PARD3B: variants seen among roughly 807,000 people sequenced by gnomAD.
The protein encoded by PARD3B is par-3 family cell polarity regulator beta.
A neutral mutation model predicts 130.2 loss-of-function variants in PARD3B; 103 were observed. That is an observed-to-expected ratio of 0.79 (90% CI 0.67 to 0.93). PARD3B has a LOEUF of 0.93. Among genes scored for constraint, PARD3B ranks in the 40% least tolerant of loss-of-function variants. The pLI is 0.00. For synonymous variants in PARD3B, 583 were observed against 553.2 expected (o/e 1.05, Z -0.76); for missense variants, 1,609 against 1,499.2 (o/e 1.07, Z -1.21).
chr2:204,557,536 C>T (rs2031010072), intron 1 of PARD3B, among the ~76,000 whole-genome samples: 1 of 152,080 alleles, frequency 6.6e-6, no homozygotes, highest in East Asian at 1.9e-4. Flanking sequence ...GTTTTTAGCA[C>T]AGTATTTGAT....
Position 205,473,682 on chromosome 2 carries a change from A to G in PARD3B, c.3045-26214A>G, listed in dbSNP as rs6740887. The stretch of plus-strand genomic sequence containing the variant: ...TGTGTGTGTGTGTGTGTGTGTGTGT[A>G]TGTATATATATATATATATATATAT... On this transcript the variant is annotated intron_variant, in intron 20 of 22. Coordinates refer to ENST00000406610, the MANE Select transcript of PARD3B (RefSeq NM_001302769.2). The surrounding 1 kb of genome is among the most constrained non-coding windows in gnomAD (Gnocchi z 4.9). Among the ~76,000 whole-genome samples, 18,081 of 87,874 alleles carry G rather than the reference A, an allele frequency of 0.21. 2,106 individuals are homozygous for G. Among genetic ancestry groups the G allele is most frequent in the African/African-American group, 0.46 (11,758 of 25,834 alleles). The allele number at this position is 87,874 out of a possible 152,430, so 57.6% of individuals were successfully genotyped here.
At position 205,568,951 on chromosome 2, in the gene PARD3B, C is replaced by T. The variant is rs2053462668; in HGVS notation, c.3260+15548C>T. Among the ~76,000 whole-genome samples the T allele has an allele frequency of 6.6e-6, 1 of 152,080 alleles. No homozygotes were observed. The highest frequency in any genetic ancestry group is 1.5e-5 in the Non-Finnish European group (1 of 68,014). On this transcript the variant is annotated intron_variant, in intron 22 of 22. Coordinates refer to ENST00000406610, the MANE Select transcript of PARD3B (RefSeq NM_001302769.2). This position sits in a 1 kb window ranked among gnomAD's most constrained non-coding sequence, Gnocchi z 5.3. ...AATTCCTAGCATGTAATTACCAGGT[C>T]AAAGAATGTGAATATTTTTAAAGTT... is the stretch of plus-strand genomic sequence containing the variant.
intron 1 of PARD3B, among the ~76,000 whole-genome samples, chr2:204,581,271 C>T (rs1007091512): frequency 2.0e-5 from 3 of 152,184 alleles, no homozygotes; most frequent in African/African-American, 4.8e-5. Context: ...CTGAGGTCAT[C>T]TAATTCTCCT....
At chr2:205,492,460 T>C (rs2049754550) in intron 20 of PARD3B, among the ~76,000 whole-genome samples, 1 of 152,140 alleles carries the variant, frequency 6.6e-6, no homozygotes, top group African/African-American at 2.4e-5. Flanking sequence ...AGCTAAGACA[T>C]AGTCTTGTTA....
intron 4 of PARD3B, among the ~76,000 whole-genome samples, chr2:205,075,249 G>A (rs1308648433): frequency 6.6e-5 from 10 of 152,046 alleles, no homozygotes; most frequent in Non-Finnish European, 7.4e-5. Flanking sequence ...AGAGCTTCCC[G>A]AAAGTTAGAC....
At chr2:205,337,377 T>C (rs746794486) in intron 18 of PARD3B, among the ~76,000 whole-genome samples, 3 of 152,256 alleles carry the variant, frequency 2.0e-5, no homozygotes, top group Non-Finnish European at 2.9e-5. Flanking sequence ...ATTTTGAACA[T>C]GGTTTCCTAG....
chr2:204,728,384 T>G (rs2039334999), intron 2 of PARD3B, among the ~76,000 whole-genome samples: 1 of 151,994 alleles, frequency 6.6e-6, no homozygotes, highest in Non-Finnish European at 1.5e-5. Context: ...CTCAATGACA[T>G]GAGATGCAGG....
intron 21 of PARD3B, among the ~76,000 whole-genome samples, chr2:205,532,490 G>A (rs867592613): frequency 6.6e-6 from 1 of 152,146 alleles, no homozygotes; most frequent in African/African-American, 2.4e-5. Context: ...GTGCTTGGGG[G>A]GGAAATGGTT....
chr2:205,112,558 G>A (rs975270394), intron 5 of PARD3B, among the ~76,000 whole-genome samples: 3 of 152,022 alleles, frequency 2.0e-5, no homozygotes, highest in South Asian at 2.1e-4. Context: ...AATGGAGACC[G>A]GCTTACAATT....
chr2:205,554,289 T>C (rs2052782534), intron 22 of PARD3B, among the ~76,000 whole-genome samples: 1 of 152,188 alleles, frequency 6.6e-6, no homozygotes, highest in Non-Finnish European at 1.5e-5. Context: ...AAGTGCCAAC[T>C]CAGAGATGGA....
At chr2:204,966,167 G>A (rs1009893753) in intron 3 of PARD3B, among the ~76,000 whole-genome samples, 26 of 152,204 alleles carry the variant, frequency 1.7e-4, no homozygotes, top group African/African-American at 4.3e-4. Context: ...GGTTAGAATC[G>A]TACATAGTAC....
intron 2 of PARD3B, among the ~76,000 whole-genome samples, chr2:204,744,474 G>GA (rs2040136280): frequency 6.6e-6 from 1 of 152,134 alleles, no homozygotes; most frequent in Non-Finnish European, 1.5e-5. Context: ...TTTCAAGATG[G>GA]AACAGACAAA....
chr2:204,785,152 TGAAAA>T lies in PARD3B; in HGVS notation c.222+98875_222+98879del, dbSNP rs1347850857. On this transcript the variant is annotated intron_variant, in intron 2 of 22. Transcript: ENST00000406610. ...GTGATTGTTTTACTCACTGAACATA[TGAAAA>T]GAAATTATTTTTCTAAATGCTTAAT... 2.6e-5 allele frequency among the ~76,000 whole-genome samples: 4 copies of T among 152,212 alleles called. No individual in the cohort carries two copies. The East Asian group carries it at 5.8e-4, about 22-fold the overall frequency.
intron 3 of PARD3B, among the ~76,000 whole-genome samples, chr2:204,983,011 G>A (rs1458266456): frequency 1.3e-5 from 2 of 152,094 alleles, no homozygotes; most frequent in African/African-American, 4.8e-5. Flanking sequence ...AGTGCTTTTT[G>A]TCTTGGTTTT....
rs1241433476 is a variant in PARD3B at position 204,673,913 on chromosome 2, A to G, written c.121-12268A>G. On this transcript the variant is annotated intron_variant, in intron 1 of 22. Coordinates refer to ENST00000406610, the MANE Select transcript of PARD3B (RefSeq NM_001302769.2). The surrounding 1 kb of genome is among the most constrained non-coding windows in gnomAD (Gnocchi z 4.7). ...AAGGACTGCCATTGACCTGCAGTCTACAGTGTTTCTGCTTCTCCCATGCTG... is the reference window on the plus strand; with the variant it reads ...AAGGACTGCCATTGACCTGCAGTCTGCAGTGTTTCTGCTTCTCCCATGCTG... 6.6e-6 allele frequency among the ~76,000 whole-genome samples: 1 copy of G among 152,198 alleles called. No individual in the cohort carries two copies. Among genetic ancestry groups the G allele is most frequent in the Non-Finnish European group, 1.5e-5 (1 of 68,034 alleles).
At chr2:204,558,803 T>G (rs566853759) in intron 1 of PARD3B, among the ~76,000 whole-genome samples, 1 of 152,258 alleles carries the variant, frequency 6.6e-6, no homozygotes, top group Middle Eastern at 3.4e-3. Context: ...ACTACAAGGC[T>G]ACAGTAACCA....
chr2:204,808,188 G>A (rs2042842286), intron 2 of PARD3B, among the ~76,000 whole-genome samples: 1 of 151,926 alleles, frequency 6.6e-6, no homozygotes, highest in African/African-American at 2.4e-5. Flanking sequence ...AAATTCTTGT[G>A]TTGCATTTCT....
chr2:204,747,259 G>A (rs894771323), intron 2 of PARD3B, among the ~76,000 whole-genome samples: 9 of 151,900 alleles, frequency 5.9e-5, no homozygotes, highest in Admixed American at 3.3e-4. Context: ...TCTTGTTTTT[G>A]TCAGGTTTGT....
At chr2:205,238,830 C>T (rs1186903681) in intron 15 of PARD3B, among the ~76,000 whole-genome samples, 107 of 36,518 alleles carry the variant, frequency 2.9e-3, no homozygotes, top group African/African-American at 0.012. Context: ...TAAAAAACTC[C>T]GTTTCAAAAA....
Sources: gnomAD v4.1 joint callset for allele counts (sites outside exome capture counted in the v4.1 genomes callset) on GRCh38, gnomAD v4.1.1 for gene constraint, Gnocchi (gnomAD v3.1) non-coding constraint, MANE v1.5 for transcripts, NCBI Gene and HGNC (gene_info 2026-07-23, HGNC 2026-07-21) for gene names.